Variants in SHLD2 observed in about 807,000 individuals in gnomAD.
SHLD2 encodes shieldin complex subunit 2, also known as RINN1-REV7-interacting novel NHEJ regulator 2.
A neutral mutation model predicts 73.2 loss-of-function variants in SHLD2; 30 were observed. The ratio of observed to expected loss-of-function variants is 0.41; its 90% CI spans 0.31 to 0.56. SHLD2 has a LOEUF of 0.56. SHLD2 is among the 20% of genes least tolerant of loss of function. The pLI, the probability that SHLD2 is intolerant of heterozygous loss-of-function variation, is 0.28. For missense variants in SHLD2, 745 were observed against 1,055.9 expected, an observed-to-expected ratio of 0.71 and a Z score of 4.08; for synonymous variants, 285 against 370.1, an observed-to-expected ratio of 0.77 and a Z score of 2.64.
chr10:87,170,462 G>GTT lies in SHLD2; in HGVS notation c.1634-9_1634-8dup. On this transcript the variant is annotated splice_polypyrimidine_tract_variant and intron_variant, in intron 4 of 9. Transcript: ENST00000298786. ...GTTGCCATCTTTTGTCTGTCTGTAT[G>GTT]TTTTTTTTCCCTTAGATTCCAGTGT... is the stretch of plus-strand genomic sequence containing the variant. The GTT allele has an allele frequency of 6.6e-7, 1 of 1,521,946 alleles. No homozygotes were observed. The highest frequency in any genetic ancestry group is 8.8e-7 in the Non-Finnish European group (1 of 1,130,248). 94.3% of individuals were successfully genotyped at this position (1,521,946 alleles called of 1,614,324 possible).
At chr10:87,122,008 G>A (rs535045822) in intron 2 of SHLD2, among the ~76,000 whole-genome samples, 16 of 151,872 alleles carry the variant, frequency 1.1e-4, no homozygotes, top group Middle Eastern at 3.4e-3. Context: ...ACAGTGATCC[G>A]CCTGCCTTGG....
chr10:87,094,584 G>C, upstream of SHLD2: 7 of 1,611,404 alleles, frequency 4.3e-6, no homozygotes, highest in Non-Finnish European at 5.9e-6. The surrounding 1 kb of genome is among the most constrained non-coding windows in gnomAD (Gnocchi z 6.6). Context: ...AGTTGGGGTC[G>C]TCCTCGCGGT....
intron 2 of SHLD2, among the ~76,000 whole-genome samples, chr10:87,110,847 AT>A (rs909093567): frequency 9.6e-4 from 141 of 146,356 alleles, no homozygotes; most frequent in African/African-American, 1.7e-3. Flanking sequence ...ATTAAAATTA[AT>A]TTTTTTTTTT....
At chr10:87,139,647 G>A (rs1845041293) in intron 2 of SHLD2, among the ~76,000 whole-genome samples, 1 of 152,210 alleles carries the variant, frequency 6.6e-6, no homozygotes, top group African/African-American at 2.4e-5. Flanking sequence ...GCCCAACATG[G>A]CAAAACCCTG....
At chr10:87,158,283 T>C (rs1846578256) in intron 4 of SHLD2, 128 bp downstream of exon 4, 1 of 883,718 alleles carries the variant, frequency 1.1e-6, no homozygotes, top group Non-Finnish European at 1.7e-6. Context: ...TGGTTTCTTT[T>C]CATTAGTAAG....
rs1420061112 is a variant in SHLD2 at position 87,158,112 on chromosome 10, G to A, written c.1590G>A (p.Gln530=). 3 of 1,611,324 alleles carry A rather than the reference G, an allele frequency of 1.9e-6. No homozygotes were observed. The East Asian group carries it at 6.7e-5, about 36-fold the overall frequency. ...TACTACAATCAACATTTAGCAGTCA[G>A]TTATTAAATCTTGGGAGTTATTCAT... ...ETVLQSTFSS[Q]LLNLGSYSSI... is the part of the protein sequence containing the mutation. The change falls in exon 4 of 10, where the codon CAG becomes CAA. Residue 530 remains glutamine (Q), a synonymous_variant. Transcript: ENST00000298786.
chr10:87,173,400 C>T (rs367874101), intron 6 of SHLD2, among the ~76,000 whole-genome samples: 1 of 152,004 alleles, frequency 6.6e-6, no homozygotes, highest in South Asian at 2.1e-4. Flanking sequence ...CACCTGTTAC[C>T]TCCCTTGTCT....
chr10:87,126,733 T>C (rs1246658342), intron 2 of SHLD2, among the ~76,000 whole-genome samples: 3 of 152,194 alleles, frequency 2.0e-5, no homozygotes, highest in Non-Finnish European at 4.4e-5. Flanking sequence ...AATAGCTGCG[T>C]ACACTTTATT....
chr10:87,190,360 G>A (rs1848985012), intron 9 of SHLD2, 124 bp from the exon 10 acceptor site: 2 of 861,272 alleles, frequency 2.3e-6, no homozygotes, highest in East Asian at 4.9e-5. Flanking sequence ...CTACTGGACG[G>A]GAGGAGAAAT....
chr10:87,157,927 C>A, intron 3 of SHLD2, 121 bp from the exon 4 acceptor site: 1 of 686,798 alleles, frequency 1.5e-6, no homozygotes, highest in Non-Finnish European at 2.3e-6. Context: ...GGTTATTTAA[C>A]CTATTTGATC....
chr10:87,184,692 C>T (rs1367568018), intron 8 of SHLD2, among the ~76,000 whole-genome samples: 10 of 152,130 alleles, frequency 6.6e-5, no homozygotes, highest in South Asian at 2.1e-4. Context: ...ACTCTAGCCA[C>T]GTGGCCTTCT....
intron 2 of SHLD2, among the ~76,000 whole-genome samples, chr10:87,142,922 CTTTTTTTTTTTTTTT>C (rs71269253): frequency 2.4e-5 from 2 of 83,200 alleles, no homozygotes; most frequent in Admixed American, 3.1e-4. Context: ...TTTATTTTTA[CTTTTTTTTTTTTTTT>C]TTTTTTTTTA....
intron 2 of SHLD2, among the ~76,000 whole-genome samples, chr10:87,098,428 G>A (rs991569615): frequency 3.3e-5 from 5 of 151,304 alleles, no homozygotes; most frequent in Admixed American, 2.0e-4. Flanking sequence ...CAGGAGAATT[G>A]CTTGAACCTG....
Position 87,152,886 on chromosome 10 carries a change from T to C in SHLD2, c.1525+7T>C, listed in dbSNP as rs767032725. 1 of 1,608,410 alleles carries C rather than the reference T, an allele frequency of 6.2e-7. No individual in the cohort carries two copies. Among genetic ancestry groups the C allele is most frequent in the South Asian group, 1.1e-5 (1 of 90,290 alleles). On this transcript the variant is annotated splice_region_variant and intron_variant, in intron 3 of 9. Transcript: ENST00000298786. Reference sequence around the variant, plus strand: ...GATATAATTTTACTCACAGGTGAGGTCATTATGGTATAGTGGTAGCTTATT... The same window carrying C: ...GATATAATTTTACTCACAGGTGAGGCCATTATGGTATAGTGGTAGCTTATT...
chr10:87,094,687 G>A, upstream of SHLD2: 2 of 1,503,508 alleles, frequency 1.3e-6, no homozygotes, highest in East Asian at 2.8e-5. The surrounding 1 kb of genome is among the most constrained non-coding windows in gnomAD (Gnocchi z 6.6). Flanking sequence ...GCCCAGCAAC[G>A]CGGCCGAGTC....
At chr10:87,097,308 C>T (rs1841962781) in intron 2 of SHLD2, among the ~76,000 whole-genome samples, 1 of 152,220 alleles carries the variant, frequency 6.6e-6, no homozygotes, top group South Asian at 2.1e-4. Context: ...CGCCTGTAAT[C>T]CCAGCACTTT....
intron 2 of SHLD2, among the ~76,000 whole-genome samples, chr10:87,106,420 AG>A (rs34097912): frequency 6.6e-6 from 1 of 152,012 alleles, no homozygotes; most frequent in African/African-American, 2.4e-5. Context: ...AATTTACAAA[AG>A]GGGGGGAACA....
intron 4 of SHLD2, among the ~76,000 whole-genome samples, chr10:87,162,114 C>T (rs1326721402): frequency 6.6e-6 from 1 of 151,754 alleles, no homozygotes; most frequent in East Asian, 1.9e-4. Flanking sequence ...GTAATAAACA[C>T]CATATGGATT....
chr10:87,171,812 G>T (rs1330176863), intron 6 of SHLD2, among the ~76,000 whole-genome samples: 1 of 152,068 alleles, frequency 6.6e-6, no homozygotes, highest in Non-Finnish European at 1.5e-5. Context: ...GTCTAACTTT[G>T]GACTTTTATG....
Sources: allele counts gnomAD v4.1 joint callset (sites outside exome capture counted in the v4.1 genomes callset), GRCh38; gene constraint gnomAD v4.1.1; non-coding constraint Gnocchi (gnomAD v3.1); transcripts MANE v1.5; gene names NCBI Gene and HGNC (gene_info 2026-07-23, HGNC 2026-07-21).